A2M: variants seen among roughly 807,000 people sequenced by gnomAD.
A2M encodes the protein C3 and PZP-like alpha-2-macroglobulin domain-containing protein 5.
In A2M, 128 loss-of-function variants were observed where a neutral mutation model predicts 183.9. The observed-to-expected ratio is 0.70, with a 90% CI of 0.60 to 0.81. The LOEUF (loss-of-function observed/expected upper bound fraction) is 0.81. Among genes scored for constraint, A2M ranks in the 30% least tolerant of loss-of-function variants. The probability of loss-of-function intolerance (pLI) is 0.00; values close to 1 mark genes in which losing one functional copy is unlikely to be tolerated. For synonymous variants in A2M, 592 were observed against 670.8 expected (o/e 0.88, Z 1.81); for missense variants, 1,495 against 1,787.6 (o/e 0.84, Z 2.95).
rs1248932203 is a variant in A2M, at chr12:9,109,326, A to G, written c.753T>C (p.Cys251=). Residue 251 remains cysteine (C), a synonymous_variant, in exon 7 of 36, where the codon TGT becomes TGC. Coordinates refer to ENST00000318602, the MANE Select transcript of A2M (RefSeq NM_000014.6). ...TTTTTAAAAAATGAACTCACAGGCC[A>G]CACACTGATACATTCATCTCTTCTT... is the stretch of plus-strand genomic sequence containing the variant. ...ILEEEMNVSV[C]GLYTYGKPVP... 6.2e-7 allele frequency: 1 copy of G among 1,611,108 alleles called. No homozygotes were observed. Among genetic ancestry groups the G allele is most frequent in the Admixed American group, 1.7e-5 (1 of 60,004 alleles).
In A2M at chr12:9,110,026, C is replaced by G. The variant is rs780275899; in HGVS notation, c.514G>C (p.Gly172Arg). The change falls in exon 6 of 36, where the codon GGA (glycine) becomes CGA (arginine). Residue 172 changes from glycine (G) to arginine (R), a missense_variant. Coordinates refer to ENST00000318602, the MANE Select transcript of A2M (RefSeq NM_000014.6). ...IPLVYIQDPK[G>R]NRIAQWQSFQ... is the part of the protein sequence containing the mutation. ...CTCTGCCATTGTGCGATGCGATTTC[C>G]TTTGGGATCCTATATGAGTAAATTA... is the stretch of plus-strand genomic sequence containing the variant. 3 of 1,610,302 alleles carry G rather than the reference C, an allele frequency of 1.9e-6. No homozygotes were observed. Among genetic ancestry groups the G allele is most frequent in the Non-Finnish European group, 2.5e-6 (3 of 1,178,708 alleles).
At chr12:9,084,690 T>C (rs1445933285) in intron 22 of A2M, among the ~76,000 whole-genome samples, 1 of 152,022 alleles carries the variant, frequency 6.6e-6, no homozygotes, top group East Asian at 1.9e-4. Context: ...ATAATTACCT[T>C]GAATGCAAAT....
chr12:9,086,306 T>C (rs11048839), intron 22 of A2M, among the ~76,000 whole-genome samples: 81,159 of 151,948 alleles, frequency 0.53, 22,836 homozygotes, highest in African/African-American at 0.69. Context: ...GGTGGTAGGA[T>C]TGCTTGAACT....
At chr12:9,068,682 A>C in intron 34 of A2M, 58 bp downstream of exon 34, 2 of 1,365,420 alleles carry the variant, frequency 1.5e-6, no homozygotes, top group Non-Finnish European at 2.0e-6. Context: ...CATCTCCTAA[A>C]CCTGAATTTC....
chr12:9,078,414 C>A (rs963107389), intron 25 of A2M, among the ~76,000 whole-genome samples: 18 of 152,194 alleles, frequency 1.2e-4, no homozygotes, highest in Non-Finnish European at 2.4e-4. Context: ...TGTATATGTA[C>A]CACATTTTCT....
chr12:9,106,008 G>A (rs761714668), intron 10 of A2M, among the ~76,000 whole-genome samples: 1 of 152,052 alleles, frequency 6.6e-6, no homozygotes, highest in Non-Finnish European at 1.5e-5. Flanking sequence ...ATTTTAATAA[G>A]GCCTTAGGAT....
intron 22 of A2M, among the ~76,000 whole-genome samples, chr12:9,084,294 T>C (rs1948991687): frequency 6.6e-6 from 1 of 152,162 alleles, no homozygotes; most frequent in African/African-American, 2.4e-5. Context: ...TTCAAAATAC[T>C]CTATGACTGT....
rs189115352 is a variant in A2M, at chr12:9,079,138, G to A, written c.3119+106C>T. On this transcript the variant is annotated intron_variant, in intron 25 of 35. Transcript: ENST00000318602. ...GATTTATCTAGTATAACAAACCATC[G>A]GTCTGATAATACATATCTGATAGTG... 9 of 811,646 alleles carry A rather than the reference G, an allele frequency of 1.1e-5. No individual in the cohort carries two copies. The Admixed American group carries it at 1.6e-4, about 15-fold the overall frequency. 50.3% of individuals were successfully genotyped at this position (811,646 alleles called of 1,614,324 possible).
chr12:9,079,927 G>T, intron 23 of A2M, 112 bp from the exon 24 acceptor site: 1 of 1,110,924 alleles, frequency 9.0e-7, no homozygotes, highest in South Asian at 2.2e-5. Context: ...TAGGAAGGAT[G>T]ATTCTTCCAG....
Position 9,110,080 on chromosome 12 carries a change from T to C in A2M, c.505-45A>G, listed in dbSNP as rs569583305. ...ATAACTTACAAAAGCACCTGGAGCA[T>C]TGGAGCTAATAAAAGATATCTATGG... On this transcript the variant is annotated intron_variant, in intron 5 of 35. Transcript: ENST00000318602. 27 of 1,562,168 alleles carry C rather than the reference T, an allele frequency of 1.7e-5. No homozygotes were observed. In the Middle Eastern group the frequency reaches 5.2e-4, roughly 30 times the overall value.
At position 9,072,463 on chromosome 12, in the gene A2M, G is replaced by C. The variant is rs757111023; in HGVS notation, c.3999C>G (p.Leu1333=). 8.7e-6 allele frequency: 14 copies of C among 1,612,294 alleles called. No individual in the cohort carries two copies. The East Asian group carries it at 3.1e-4, about 36-fold the overall frequency. ...CAAAGGGGAACTCTTCCTTTTCTGG[G>C]AGAATATTGTATTTCAAGGATGTCT... ...YLQTSLKYNI[L]PEKEEFPFAL... is the part of the protein sequence containing the mutation. Residue 1333 remains leucine (L), a synonymous_variant, in exon 31 of 36, where the codon CTC becomes CTG. Coordinates refer to ENST00000318602, the MANE Select transcript of A2M (RefSeq NM_000014.6).
chr12:9,093,116 A>G (rs956353941), intron 18 of A2M, among the ~76,000 whole-genome samples: 2 of 152,214 alleles, frequency 1.3e-5, no homozygotes, highest in Non-Finnish European at 2.9e-5. Flanking sequence ...AAGCAGGTCA[A>G]AGGGTACAAA....
intron 22 of A2M, 104 bp downstream of exon 22, chr12:9,089,096 C>T (rs778599317): frequency 2.2e-6 from 2 of 898,754 alleles, no homozygotes; most frequent in South Asian, 1.8e-5. Flanking sequence ...GATGGTGCTT[C>T]AGGTCTTAGA....
chr12:9,071,431 A>AAAAAT (rs987111958), intron 31 of A2M, among the ~76,000 whole-genome samples: 1 of 151,412 alleles, frequency 6.6e-6, no homozygotes, highest in African/African-American at 2.4e-5. Flanking sequence ...AAATGAAAAA[A>AAAAAT]ATATATATAT....
intron 33 of A2M, among the ~76,000 whole-genome samples, chr12:9,069,265 A>G (rs1165117605): frequency 6.6e-6 from 1 of 152,214 alleles, no homozygotes; most frequent in East Asian, 1.9e-4. Context: ...ATTCCCATCA[A>G]CTTATGCATG....
intron 21 of A2M, 63 bp downstream of exon 21, chr12:9,089,839 T>C (rs1949155146): frequency 9.7e-7 from 1 of 1,034,850 alleles, no homozygotes; most frequent in Non-Finnish European, 1.4e-6. Context: ...TATCCATATA[T>C]TATTATATTA....
intron 22 of A2M, among the ~76,000 whole-genome samples, chr12:9,080,607 G>T (rs920015384): frequency 6.6e-6 from 1 of 152,036 alleles, no homozygotes; most frequent in Admixed American, 6.6e-5. Context: ...CCCACAAAAG[G>T]TCCTGAATTC....
rs368032213 is a variant in A2M at position 9,113,516 on chromosome 12, C to T, written c.114G>A (p.Leu38=). Residue 38 remains leucine, a synonymous_variant, in exon 2 of 36, where the codon CTG becomes CTA. Transcript: ENST00000318602. ...CCTTCTCAGTGGTCTCAGTGTGGAG[C>T]AGGGAGGGGACCAGAACCATATACT... ...KPQYMVLVPS[L]LHTETTEKGC... The T allele has an allele frequency of 2.5e-6, 4 of 1,613,670 alleles. No homozygotes were observed. The African/African-American group carries it at 4.0e-5, about 16-fold the overall frequency.
In A2M at chr12:9,079,656, A is replaced by G. The variant is rs558034541; in HGVS notation, c.3014T>C (p.Ile1005Thr). The change falls in exon 24 of 36, where the codon ATT becomes ACT. Residue 1005 changes from isoleucine to threonine, a missense_variant. Ile to Thr is a moderately conservative substitution (Grantham distance 89). Transcript: ENST00000318602. The part of the protein sequence containing the change: ...QLTPEIKSKA[I>T]GYLNTGYQRQ... ...TCACTCACCAGTGTTGAGATAGCCA[A>G]TGGCCTTGGACTTGATCTCTGGAGT... is the stretch of plus-strand genomic sequence containing the variant. 149 of 1,613,294 alleles carry G rather than the reference A, an allele frequency of 9.2e-5. 1 individual carries two copies. The South Asian group carries it at 1.3e-3, about 14-fold the overall frequency.
Sources: allele counts gnomAD v4.1 joint callset (sites outside exome capture counted in the v4.1 genomes callset), GRCh38; gene constraint gnomAD v4.1.1; transcripts MANE v1.5; gene names NCBI Gene and HGNC (gene_info 2026-07-23, HGNC 2026-07-21).